Variants in PACC1 observed in about 807,000 individuals in gnomAD.
PACC1 encodes proton-activated chloride channel.
Under a neutral mutation model 39.7 loss-of-function variants are expected in PACC1, and 34 were observed. The observed-to-expected ratio is 0.86, with a 90% CI of 0.65 to 1.14. The LOEUF (loss-of-function observed/expected upper bound fraction) is 1.14. Among genes scored for constraint, PACC1 ranks in the 50% most tolerant of loss-of-function variants. The pLI, the probability that PACC1 is intolerant of heterozygous loss-of-function variation, is 0.00. For synonymous variants in PACC1, 127 were observed against 160.6 expected (o/e 0.79, Z 1.58); for missense variants, 379 against 436.4 (o/e 0.87, Z 1.17).
chr1:212,365,592 G>A (rs1660211369), intron 7 of PACC1, among the ~76,000 whole-genome samples: 1 of 151,970 alleles, frequency 6.6e-6, no homozygotes, highest in Admixed American at 6.6e-5. Flanking sequence ...CACCACACCT[G>A]GCTAATTTTT....
At chr1:212,374,018 T>A (rs1012005684) in intron 7 of PACC1, among the ~76,000 whole-genome samples, 8 of 137,540 alleles carry the variant, frequency 5.8e-5, no homozygotes, top group Non-Finnish European at 1.1e-4. Context: ...GCTGGGTGCA[T>A]ATCCAAAAGA....
chr1:212,395,364 T>C (rs1661477395), intron 2 of PACC1, among the ~76,000 whole-genome samples: 1 of 152,142 alleles, frequency 6.6e-6, no homozygotes, highest in East Asian at 1.9e-4. Context: ...CAAACGATGC[T>C]GGGAAAACTG....
intron 2 of PACC1, among the ~76,000 whole-genome samples, chr1:212,403,205 G>C (rs1379042380): frequency 6.6e-6 from 1 of 152,186 alleles, no homozygotes; most frequent in African/African-American, 2.4e-5. Context: ...AGCTTTTAGT[G>C]CATTATGGTA....
At chr1:212,382,099 C>G (rs12145170) in intron 4 of PACC1, among the ~76,000 whole-genome samples, 23,385 of 151,666 alleles carry the variant, frequency 0.15, 2,503 homozygotes, top group East Asian at 0.37. Context: ...AGTGCACTGG[C>G]GTGATCTCGG....
intron 1 of PACC1, among the ~76,000 whole-genome samples, chr1:212,411,920 C>G (rs1226305085): frequency 6.6e-6 from 1 of 152,036 alleles, no homozygotes; most frequent in Admixed American, 6.5e-5. Flanking sequence ...GTGGGCGGAT[C>G]GCCTGAGGTC....
chr1:212,391,356 T>TC (rs1394429747), intron 2 of PACC1, among the ~76,000 whole-genome samples: 1 of 151,978 alleles, frequency 6.6e-6, no homozygotes, highest in Non-Finnish European at 1.5e-5. Flanking sequence ...TCCAGCAAAC[T>TC]CCAACAGACC....
At chr1:212,394,798 A>G (rs1661451575) in intron 2 of PACC1, among the ~76,000 whole-genome samples, 1 of 152,216 alleles carries the variant, frequency 6.6e-6, no homozygotes, top group South Asian at 2.1e-4. Context: ...AACAACAGAC[A>G]AACAGAGAGC....
intron 2 of PACC1, among the ~76,000 whole-genome samples, chr1:212,395,964 T>C (rs1251664303): frequency 2.6e-5 from 4 of 152,166 alleles, no homozygotes; most frequent in South Asian, 2.1e-4. Context: ...TGTGGAGAAA[T>C]AGGAACACTT....
chr1:212,378,635 C>A (rs944382230), intron 5 of PACC1, among the ~76,000 whole-genome samples: 1 of 152,158 alleles, frequency 6.6e-6, no homozygotes, highest in Non-Finnish European at 1.5e-5. Context: ...CACGGTGTGA[C>A]CCCAAAGCAG....
chr1:212,371,200 G>A lies in PACC1; in HGVS notation c.891+3993C>T, dbSNP rs1660439361. On this transcript the variant is annotated intron_variant, in intron 7 of 7. Coordinates refer to ENST00000261455, the MANE Select transcript of PACC1 (RefSeq NM_018252.3). The stretch of plus-strand genomic sequence containing the variant: ...GCGTAGGCTGCAATGAGCCAAGATC[G>A]CAACTGCACTCCAGCCTTGTGATAG... 3.0e-5 allele frequency among the ~76,000 whole-genome samples: 4 copies of A among 133,544 alleles called. No homozygotes were observed. In the South Asian group the frequency reaches 9.1e-4, roughly 30 times the overall value. 87.6% of individuals were successfully genotyped at this position (133,544 alleles called of 152,430 possible).
At chr1:212,374,291 T>G (rs1660570661) in intron 7 of PACC1, among the ~76,000 whole-genome samples, 1 of 152,158 alleles carries the variant, frequency 6.6e-6, no homozygotes, top group Admixed American at 6.5e-5. Flanking sequence ...GAGAACATTA[T>G]GTTAAGTGAA....
At chr1:212,385,210 G>A in intron 4 of PACC1, 64 bp downstream of exon 4, 8 of 1,594,310 alleles carry the variant, frequency 5.0e-6, no homozygotes, top group Non-Finnish European at 6.9e-6. Flanking sequence ...AGGAAACTTG[G>A]GGCCTTGGGT....
At chr1:212,410,340 C>T in intron 2 of PACC1, 85 bp downstream of exon 2, 2 of 1,213,172 alleles carry the variant, frequency 1.6e-6, no homozygotes, top group Non-Finnish European at 2.5e-6. Context: ...GGGAAGGGGG[C>T]TCCTCCTCTC....
At chr1:212,382,896 G>A (rs1046720341) in intron 4 of PACC1, among the ~76,000 whole-genome samples, 7 of 152,216 alleles carry the variant, frequency 4.6e-5, no homozygotes, top group African/African-American at 1.7e-4. Context: ...GGCAGCAACA[G>A]GTTCAAACCA....
chr1:212,393,446 G>A (rs959105548), intron 2 of PACC1, among the ~76,000 whole-genome samples: 4 of 152,264 alleles, frequency 2.6e-5, no homozygotes, highest in South Asian at 2.1e-4. Context: ...AGTGTGTAGA[G>A]GGAAATTTAT....
intron 2 of PACC1, among the ~76,000 whole-genome samples, chr1:212,402,148 C>T (rs535361039): frequency 3.9e-5 from 6 of 152,050 alleles, no homozygotes; most frequent in Admixed American, 1.3e-4. Flanking sequence ...TTCATGTGGA[C>T]GTAAGTTTTC....
chr1:212,414,106 A>C, intron 1 of PACC1: 1 of 1,501,556 alleles, frequency 6.7e-7, no homozygotes, highest in African/African-American at 1.4e-5. Flanking sequence ...GAGAAGAGAC[A>C]AAGAACTGGA....
chr1:212,365,178 T>C lies in PACC1; in HGVS notation c.*37A>G, dbSNP rs148556253. 25 of 1,593,650 alleles carry C rather than the reference T, an allele frequency of 1.6e-5. No individual in the cohort carries two copies. Among genetic ancestry groups the C allele is most frequent in the African/African-American group, 8.1e-5 (6 of 74,046 alleles). ...AAAGTGGAAGTGATGACAGCTCCCA[T>C]TGATGTGGACAGTTCTCTAAACAAC... On this transcript the variant is annotated 3_prime_UTR_variant, in exon 8 of 8. Transcript: ENST00000261455.
At chr1:212,413,788 G>A in intron 1 of PACC1, 1 of 1,220,834 alleles carries the variant, frequency 8.2e-7, no homozygotes, top group Non-Finnish European at 1.1e-6. Context: ...TGAAGGCAGG[G>A]CCTCAAGGCA....
Sources: gnomAD v4.1 joint callset for allele counts (sites outside exome capture counted in the v4.1 genomes callset) on GRCh38, gnomAD v4.1.1 for gene constraint, MANE v1.5 for transcripts, NCBI Gene and HGNC (gene_info 2026-07-23, HGNC 2026-07-21) for gene names.